TANC1: variants seen among roughly 807,000 people sequenced by gnomAD.
TANC1 encodes tetratricopeptide repeat, ankyrin repeat and coiled-coil containing 1.
Under a neutral mutation model 149.7 loss-of-function variants are expected in TANC1, and 77 were observed. The observed-to-expected ratio is 0.51, with a 90% CI of 0.43 to 0.62. The LOEUF is 0.62. Ranked by LOEUF, TANC1 falls within the 20% of genes least tolerant of loss-of-function variation. The pLI, the probability that TANC1 is intolerant of heterozygous loss-of-function variation, is 0.00. For missense variants in TANC1, 1,985 were observed against 2,321.8 expected, an observed-to-expected ratio of 0.85 and a Z score of 2.98; for synonymous variants, 854 against 925.0, an observed-to-expected ratio of 0.92 and a Z score of 1.39.
intron 2 of TANC1, among the ~76,000 whole-genome samples, chr2:159,003,755 C>T (rs558232008): frequency 1.6e-4 from 25 of 152,250 alleles, no homozygotes; most frequent in African/African-American, 5.8e-4. Context: ...CCGCAGTCGT[C>T]GTCTTTCTCT....
intron 2 of TANC1, among the ~76,000 whole-genome samples, chr2:159,060,408 A>G (rs1441519255): frequency 2.0e-5 from 3 of 152,206 alleles, no homozygotes; most frequent in Non-Finnish European, 4.4e-5. Flanking sequence ...TTTTAAGGTT[A>G]ATTCAGATGT....
chr2:159,094,227 C>T (rs552081410), intron 3 of TANC1, among the ~76,000 whole-genome samples: 1 of 152,292 alleles, frequency 6.6e-6, no homozygotes, highest in Non-Finnish European at 1.5e-5. Context: ...GTGATTTAGC[C>T]TATGTGAGAA....
chr2:159,136,329 T>C (rs1312216233), intron 5 of TANC1, 31 bp downstream of exon 5: 15 of 1,239,980 alleles, frequency 1.2e-5, no homozygotes, highest in Non-Finnish European at 1.8e-5. Context: ...CTTCCCCCTC[T>C]ACCAAAGATT....
chr2:159,066,905 C>T (rs371466344), intron 3 of TANC1, among the ~76,000 whole-genome samples: 37 of 152,208 alleles, frequency 2.4e-4, no homozygotes, highest in Admixed American at 7.2e-4. Context: ...ATTTTTCTCT[C>T]GCTAGAAAAA....
intron 3 of TANC1, among the ~76,000 whole-genome samples, chr2:159,094,526 G>A (rs552475290): frequency 1.1e-4 from 16 of 152,262 alleles, no homozygotes; most frequent in African/African-American, 3.9e-4. Flanking sequence ...GAGGGCATCC[G>A]GCTCCACTGC....
intron 1 of TANC1, among the ~76,000 whole-genome samples, chr2:158,982,175 G>C (rs1454724927): frequency 6.6e-6 from 1 of 152,060 alleles, no homozygotes; most frequent in Non-Finnish European, 1.5e-5. Context: ...AGCTCCCAGC[G>C]CATTCTTATA....
At chr2:159,229,020 T>TAATACTAATTCACTACTAA in intron 26 of TANC1, 124 bp downstream of exon 26, 1 of 687,340 alleles carries the variant, frequency 1.5e-6, no homozygotes, top group Non-Finnish European at 2.5e-6. Flanking sequence ...TTTTTAGTAG[T>TAATACTAATTCACTACTAA]GAATTAGTAT....
At chr2:159,092,606 G>C (rs2045666100) in intron 3 of TANC1, among the ~76,000 whole-genome samples, 1 of 152,136 alleles carries the variant, frequency 6.6e-6, no homozygotes, top group Admixed American at 6.5e-5. Context: ...TTACTTGTAT[G>C]CGTATATATT....
intron 2 of TANC1, among the ~76,000 whole-genome samples, chr2:159,057,555 T>C (rs2041944829): frequency 6.6e-6 from 1 of 152,242 alleles, no homozygotes; most frequent in Non-Finnish European, 1.5e-5. Flanking sequence ...TCTCCATTGC[T>C]CATAGCCTGT....
chr2:159,162,646 A>G (rs1489117999), intron 7 of TANC1, among the ~76,000 whole-genome samples: 1 of 152,188 alleles, frequency 6.6e-6, no homozygotes, highest in Non-Finnish European at 1.5e-5. Flanking sequence ...CTGCAGTCAT[A>G]GTATACCTTC....
At chr2:159,099,134 A>G (rs2046416037) in intron 4 of TANC1, among the ~76,000 whole-genome samples, 1 of 152,346 alleles carries the variant, frequency 6.6e-6, no homozygotes, top group Admixed American at 6.5e-5. Context: ...GTGAGTGTCC[A>G]AAATCTTTTA....
chr2:159,201,646 C>T (rs1294483963), intron 19 of TANC1, among the ~76,000 whole-genome samples: 1 of 152,188 alleles, frequency 6.6e-6, no homozygotes, highest in Non-Finnish European at 1.5e-5. Context: ...TGGACTGTAT[C>T]TGTCCCTAGC....
chr2:159,036,535 G>A (rs572380110), intron 2 of TANC1, among the ~76,000 whole-genome samples: 1 of 151,856 alleles, frequency 6.6e-6, no homozygotes, highest in South Asian at 2.1e-4. Flanking sequence ...ACAGGCCCTC[G>A]TGTGTGATGT....
intron 19 of TANC1, among the ~76,000 whole-genome samples, chr2:159,203,457 G>A (rs1019339190): frequency 6.6e-6 from 1 of 151,978 alleles, no homozygotes; most frequent in African/African-American, 2.4e-5. Flanking sequence ...CACCCACCTC[G>A]GCCTCCCAGA....
In TANC1 at chr2:159,159,711, TGTGTGTGAGAGA is replaced by T. The variant is rs2053821422; in HGVS notation, c.683-3570_683-3559del. Among the ~76,000 whole-genome samples the T allele has an allele frequency of 1.7e-4, 11 of 64,672 alleles. No homozygotes were observed. In the South Asian group the frequency reaches 7.4e-3, roughly 43 times the overall value. 42.4% of individuals were successfully genotyped at this position (64,672 alleles called of 152,430 possible). Reference sequence around the variant, plus strand: ...ACATACGTGTGTGTGTGTGTGTGTGTGTGTGTGAGAGAGAGAGAGAGAGAGAGAGAGAGAGAG... The same window carrying T: ...ACATACGTGTGTGTGTGTGTGTGTGTGAGAGAGAGAGAGAGAGAGAGAGAG... On this transcript the variant is annotated intron_variant, in intron 7 of 26. Transcript: ENST00000263635.
At chr2:159,031,866 T>G (rs1029919846) in intron 2 of TANC1, among the ~76,000 whole-genome samples, 2 of 152,204 alleles carry the variant, frequency 1.3e-5, no homozygotes, top group African/African-American at 4.8e-5. Flanking sequence ...CTGTATGTCA[T>G]ACAGATTAGA....
chr2:159,057,262 A>G (rs2041922392), intron 2 of TANC1, among the ~76,000 whole-genome samples: 1 of 152,210 alleles, frequency 6.6e-6, no homozygotes, highest in Non-Finnish European at 1.5e-5. Flanking sequence ...CTACAGGGCT[A>G]TCCTGAACCT....
At chr2:159,080,690 C>T (rs1031966610) in intron 3 of TANC1, among the ~76,000 whole-genome samples, 9 of 152,140 alleles carry the variant, frequency 5.9e-5, no homozygotes, top group East Asian at 1.9e-4. Context: ...TTTTCCAGAG[C>T]GAGGGCCTGG....
At chr2:159,101,321 G>A (rs993510517) in intron 4 of TANC1, among the ~76,000 whole-genome samples, 2 of 152,266 alleles carry the variant, frequency 1.3e-5, no homozygotes, top group African/African-American at 2.4e-5. Context: ...GAACAACACA[G>A]CCTGTAATAA....
Sources: gnomAD v4.1 joint callset for allele counts (sites outside exome capture counted in the v4.1 genomes callset) on GRCh38, gnomAD v4.1.1 for gene constraint, MANE v1.5 for transcripts, NCBI Gene and HGNC (gene_info 2026-07-23, HGNC 2026-07-21) for gene names.